Variants in LOC128462377 observed in about 807,000 individuals in gnomAD.
chr16:89,369,693 A>G, the LOC128462377 span, among the ~76,000 whole-genome samples: 4 of 152,236 alleles, frequency 2.6e-5, no homozygotes, highest in African/African-American at 4.8e-5. Flanking sequence ...TGTGGGACAC[A>G]GGCATCTGCA....
At chr16:89,321,294 T>C in the LOC128462377 span, 1 of 152,306 alleles carries the variant, frequency 6.6e-6, no homozygotes, top group Non-Finnish European at 1.5e-5. Context: ...GAGCAGGCAC[T>C]GGTGGGGAAT....
chr16:89,412,649 G>A, the LOC128462377 span: 1 of 152,052 alleles, frequency 6.6e-6, no homozygotes, highest in Non-Finnish European at 1.5e-5. Flanking sequence ...AGAACTTACT[G>A]AGTACTCTTT....
chr16:89,382,282 G>A, the LOC128462377 span, among the ~76,000 whole-genome samples: 1 of 151,940 alleles, frequency 6.6e-6, no homozygotes, highest in African/African-American at 2.4e-5. Context: ...GCCTCTAACT[G>A]CATCTTAAAC....
At chr16:89,369,381 T>C in the LOC128462377 span, among the ~76,000 whole-genome samples, 1 of 152,206 alleles carries the variant, frequency 6.6e-6, no homozygotes, top group Non-Finnish European at 1.5e-5. Flanking sequence ...ATGACCCGCA[T>C]GACCCTGCCA....
the LOC128462377 span, among the ~76,000 whole-genome samples, chr16:89,367,225 C>T: frequency 6.6e-6 from 1 of 152,248 alleles, no homozygotes; most frequent in Non-Finnish European, 1.5e-5. Context: ...ACAGTCCACT[C>T]CACGTGGGAG....
chr16:89,354,095 T>TC, the LOC128462377 span, among the ~76,000 whole-genome samples: 1 of 152,100 alleles, frequency 6.6e-6, no homozygotes, highest in African/African-American at 2.4e-5. Flanking sequence ...TGCCTGGCAC[T>TC]CCCTCAGGTG....
At chr16:89,336,107 T>C in the LOC128462377 span, among the ~76,000 whole-genome samples, 3 of 152,248 alleles carry the variant, frequency 2.0e-5, no homozygotes, top group African/African-American at 4.8e-5. Flanking sequence ...GCTGATCGTT[T>C]TCAGCCACAC....
chr16:89,367,707 T>C, the LOC128462377 span, among the ~76,000 whole-genome samples: 2 of 152,232 alleles, frequency 1.3e-5, no homozygotes, highest in African/African-American at 4.8e-5. Flanking sequence ...TTTTTGCAGA[T>C]TGGTGAGTAC....
chr16:89,403,399 G>A, the LOC128462377 span, among the ~76,000 whole-genome samples: 1 of 152,172 alleles, frequency 6.6e-6, no homozygotes, highest in Non-Finnish European at 1.5e-5. Context: ...AAGCAGCAGA[G>A]CACACGCAGG....
At chr16:89,317,152 AAC>A in the LOC128462377 span, 3 of 1,009,308 alleles carry the variant, frequency 3.0e-6, no homozygotes, top group African/African-American at 3.2e-5. Flanking sequence ...CACCGCACTC[AAC>A]AGACTCAGTA....
chr16:89,356,554 G>A, the LOC128462377 span, among the ~76,000 whole-genome samples: 7 of 150,948 alleles, frequency 4.6e-5, no homozygotes, highest in Non-Finnish European at 1.0e-4. Flanking sequence ...GGCGGATCAC[G>A]AGGTCAGGAG....
At chr16:89,365,042 G>T in the LOC128462377 span, among the ~76,000 whole-genome samples, 1 of 152,270 alleles carries the variant, frequency 6.6e-6, no homozygotes, top group East Asian at 1.9e-4. Context: ...CTGTTTTATA[G>T]GTAACAAGTC....
At chr16:89,349,153 A>AAAAAAAAAAAAAAAAAAAAT in the LOC128462377 span, among the ~76,000 whole-genome samples, 1 of 146,284 alleles carries the variant, frequency 6.8e-6, no homozygotes, top group African/African-American at 2.5e-5. Context: ...AAAAAAAAAA[A>AAAAAAAAAAAAAAAAAAAAT]AAAAAAAAGA....
At chr16:89,407,182 T>C in the LOC128462377 span, among the ~76,000 whole-genome samples, 1 of 148,828 alleles carries the variant, frequency 6.7e-6, no homozygotes, top group Non-Finnish European at 1.5e-5. Context: ...CGAAACCCCG[T>C]CTCAAAAAGA....
At chr16:89,333,451 A>T in the LOC128462377 span, among the ~76,000 whole-genome samples, 2 of 151,940 alleles carry the variant, frequency 1.3e-5, no homozygotes, top group Non-Finnish European at 2.9e-5. Context: ...CCTGATGTGG[A>T]CCCACCGTTG....
chr16:89,323,912 C>T, the LOC128462377 span: 2 of 218,512 alleles, frequency 9.2e-6, no homozygotes, highest in Admixed American at 5.5e-5. Flanking sequence ...AGGCACCACA[C>T]ATCGCGAGGT....
chr16:89,358,740 C>T, the LOC128462377 span, among the ~76,000 whole-genome samples: 5 of 152,204 alleles, frequency 3.3e-5, no homozygotes, highest in Non-Finnish European at 7.4e-5. Context: ...CATCTGCACC[C>T]AGCCCTAGAT....
At chr16:89,358,047 T>A in the LOC128462377 span, among the ~76,000 whole-genome samples, 5 of 152,296 alleles carry the variant, frequency 3.3e-5, no homozygotes, top group South Asian at 1.0e-3. Context: ...TCTTACTGCT[T>A]TGAACAATGG....
At chr16:89,340,513 G>A in the LOC128462377 span, among the ~76,000 whole-genome samples, 3 of 152,188 alleles carry the variant, frequency 2.0e-5, no homozygotes, top group South Asian at 2.1e-4. Flanking sequence ...GACTTCAGGC[G>A]ATCCACCTGC....
Sources: gnomAD v4.1 joint callset for allele counts (sites outside exome capture counted in the v4.1 genomes callset) on GRCh38, gnomAD v4.1.1 for gene constraint, MANE v1.5 for transcripts.